Variants in ABL1 observed in about 807,000 individuals in gnomAD.
ABL1 encodes the protein tyrosine-protein kinase ABL1.
Under a neutral mutation model 94.7 loss-of-function variants are expected in ABL1, and 11 were observed. The ratio of observed to expected loss-of-function variants is 0.12; its 90% CI spans 0.07 to 0.19. The LOEUF (loss-of-function observed/expected upper bound fraction) is 0.19. Ranked by LOEUF, ABL1 falls within the 10% of genes least tolerant of loss-of-function variation. ABL1 has a pLI of 1.00. For synonymous variants in ABL1, 656 were observed against 622.4 expected, an observed-to-expected ratio of 1.05 and a Z score of -0.80; for missense variants, 1,082 against 1,489.4, an observed-to-expected ratio of 0.73 and a Z score of 4.50.
chr9:130,887,093 A>G lies in ABL1; in HGVS notation c.*1410A>G. On this transcript the variant is annotated 3_prime_UTR_variant, in exon 11 of 11. Transcript: ENST00000318560. The stretch of plus-strand genomic sequence containing the variant: ...GACCCGGGGTCTCCTGGACCTTGAC[A>G]GAGCAGCTAACTCCGAGAGCAGTGG... 1.3e-5 allele frequency: 3 copies of G among 233,144 alleles called. No homozygotes were observed. Among genetic ancestry groups the G allele is most frequent in the Admixed American group, 1.1e-4 (2 of 17,796 alleles). The allele number at this position is 233,144 out of a possible 1,614,324, so 14.4% of individuals were successfully genotyped here. A position where few individuals can be genotyped will look rare whatever the true frequency, so the allele number is the denominator to read the frequency against.
intron 1 of ABL1, among the ~76,000 whole-genome samples, chr9:130,742,346 A>C (rs986276673): frequency 2.6e-5 from 4 of 152,106 alleles, no homozygotes; most frequent in African/African-American, 9.7e-5. Flanking sequence ...ACTACATTTA[A>C]AGCTTTTTCT....
chr9:130,717,251 C>G (rs1015082831), intron 1 of ABL1, among the ~76,000 whole-genome samples: 1 of 152,084 alleles, frequency 6.6e-6, no homozygotes, highest in Non-Finnish European at 1.5e-5. Flanking sequence ...CCATGTTAGC[C>G]AGGCTGGTCT....
At chr9:130,883,818 GTTT>G in intron 10 of ABL1, 148 bp from the exon 11 acceptor site, 1 of 921,736 alleles carries the variant, frequency 1.1e-6, no homozygotes. Context: ...CAATTTTTTT[GTTT>G]GTTTGTTTGT....
At chr9:130,777,291 G>A (rs184437754) in intron 1 of ABL1, among the ~76,000 whole-genome samples, 1 of 152,350 alleles carries the variant, frequency 6.6e-6, no homozygotes, top group Non-Finnish European at 1.5e-5. Flanking sequence ...GGTGTTGGGA[G>A]TCCTATATAT....
At chr9:130,831,998 G>C (rs1042396324), upstream of ABL1, among the ~76,000 whole-genome samples, 1 of 152,090 alleles carries the variant, frequency 6.6e-6, no homozygotes, top group Non-Finnish European at 1.5e-5. Flanking sequence ...TTCTAGACTA[G>C]AAACCAAGAC....
At chr9:130,783,717 G>A (rs751722018) in intron 1 of ABL1, among the ~76,000 whole-genome samples, 1 of 151,922 alleles carries the variant, frequency 6.6e-6, no homozygotes, top group South Asian at 2.1e-4. Flanking sequence ...GTGCAGTGGC[G>A]CAGTCTCCAC....
chr9:130,798,752 A>T (rs1052328390), intron 1 of ABL1, among the ~76,000 whole-genome samples: 1 of 151,996 alleles, frequency 6.6e-6, no homozygotes, highest in African/African-American at 2.4e-5. Flanking sequence ...GTGGATCACG[A>T]GGTCAGGAGT....
chr9:130,870,524 A>C lies in ABL1; in HGVS notation c.823-1605A>C, dbSNP rs138974405. Among the ~76,000 whole-genome samples the C allele has an allele frequency of 2.8e-3, 429 of 152,308 alleles. 2 individuals are homozygous for C. Among genetic ancestry groups the C allele is most frequent in the African/African-American group, 0.01 (419 of 41,576 alleles). On this transcript the variant is annotated intron_variant, in intron 4 of 10. Transcript: ENST00000318560. ...CAGTCCTATACGTGAGCAGCATTGA[A>C]TCCCCGGATACTGGCAGGCGTTCAC...
upstream of ABL1, among the ~76,000 whole-genome samples, chr9:130,833,149 T>C (rs1411451422): frequency 1.3e-5 from 2 of 152,192 alleles, no homozygotes; most frequent in African/African-American, 4.8e-5. Context: ...CAAGCAAATA[T>C]CTGGGCCTAT....
At chr9:130,875,981 C>G (rs1454682302) in intron 7 of ABL1, among the ~76,000 whole-genome samples, 1 of 152,208 alleles carries the variant, frequency 6.6e-6, no homozygotes, top group African/African-American at 2.4e-5. Context: ...GCGCATGCCA[C>G]CACCCCCGGC....
chr9:130,713,097 C>T (rs1167466014), exon 1 of ABL1, among the ~76,000 whole-genome samples: 4 of 152,240 alleles, frequency 2.6e-5, no homozygotes, highest in African/African-American at 9.6e-5. Flanking sequence ...GCGCTGGAGC[C>T]GGAGCCGGTT....
intron 1 of ABL1, among the ~76,000 whole-genome samples, chr9:130,729,632 A>T (rs1482568482): frequency 6.6e-6 from 1 of 152,202 alleles, no homozygotes; most frequent in Admixed American, 6.5e-5. Flanking sequence ...GCCTGAAAAC[A>T]GTCGTCTCAA....
chr9:130,866,377 A>G (rs1337211648), intron 4 of ABL1, among the ~76,000 whole-genome samples: 1 of 151,862 alleles, frequency 6.6e-6, no homozygotes, highest in Non-Finnish European at 1.5e-5. Context: ...CCACTCTCCC[A>G]TTTACTTCCT....
chr9:130,763,739 A>G (rs1209307999), intron 1 of ABL1, among the ~76,000 whole-genome samples: 3 of 152,224 alleles, frequency 2.0e-5, no homozygotes, highest in Non-Finnish European at 4.4e-5. Context: ...AAGAGATCAC[A>G]AGGCAGAAGT....
chr9:130,884,843 G>A lies in ABL1; in HGVS notation c.2553G>A (p.Val851=), dbSNP rs1301939077. ...GGACCCCTGCTGCAGCTGAGCCAGT[G>A]ACCCCCACCAGCAAAGCAGGCTCAG... The part of the protein sequence containing the change: ...ALGTPAAAEP[V]TPTSKAGSGA... Residue 851 remains valine (V), a synonymous_variant, in exon 11 of 11, where the codon GTG becomes GTA. Transcript: ENST00000318560. This position sits in a 1 kb window ranked among gnomAD's most constrained non-coding sequence, Gnocchi z 5.6. The A allele has an allele frequency of 6.2e-7, 1 of 1,605,224 alleles. No individual in the cohort carries two copies. Among genetic ancestry groups the A allele is most frequent in the African/African-American group, 1.3e-5 (1 of 74,742 alleles).
chr9:130,791,284 A>G (rs1829906083), intron 1 of ABL1, among the ~76,000 whole-genome samples: 1 of 152,192 alleles, frequency 6.6e-6, no homozygotes, highest in South Asian at 2.1e-4. Context: ...GTTGATCTAG[A>G]ATTGTGTAGC....
At position 130,844,521 on chromosome 9, in the gene ABL1, G is replaced by A. The variant is rs563313316; in HGVS notation, c.79+8996G>A. 1.8e-4 allele frequency among the ~76,000 whole-genome samples: 27 copies of A among 152,218 alleles called. No individual in the cohort carries two copies. The Middle Eastern group carries it at 0.01, about 58-fold the overall frequency. ...TTTTTTTTCCTTTTTGGTTGAGGGA[G>A]GGGGACAGGGACTGTGTATCTTCAG... On this transcript the variant is annotated intron_variant, in intron 1 of 10. Transcript: ENST00000318560.
At chr9:130,813,687 A>T (rs1830244435) in intron 1 of ABL1, among the ~76,000 whole-genome samples, 2 of 152,180 alleles carry the variant, frequency 1.3e-5, no homozygotes, top group South Asian at 4.1e-4. Context: ...AATTTTAAGT[A>T]AATCATGGGT....
rs1402576913 is a variant in ABL1 at position 130,829,559 on chromosome 9, C to T, written c.137-24505C>T. On this transcript the variant is annotated intron_variant, in intron 1 of 10. Transcript: ENST00000372348. ...CCGCCTGGGTGACAGAGCGAGACTA[C>T]GTCTCAAAAAAAAAAAAAAAAAAAA... is the stretch of plus-strand genomic sequence containing the variant. Among the ~76,000 whole-genome samples, 9 of 122,394 alleles carry T rather than the reference C, an allele frequency of 7.4e-5. No individual in the cohort carries two copies. The East Asian group carries it at 1.5e-3, about 21-fold the overall frequency. 80.3% of individuals were successfully genotyped at this position (122,394 alleles called of 152,430 possible).
Sources: allele counts gnomAD v4.1 joint callset (sites outside exome capture counted in the v4.1 genomes callset), GRCh38; gene constraint gnomAD v4.1.1; non-coding constraint Gnocchi (gnomAD v3.1); transcripts MANE v1.5; gene names NCBI Gene and HGNC (gene_info 2026-07-23, HGNC 2026-07-21).